Variants in RBM34 observed in about 807,000 individuals in gnomAD.
The protein encoded by RBM34 is RNA binding motif protein 34.
RBM34 carries 39 observed loss-of-function variants against 44.6 expected under a neutral mutation model. That is an observed-to-expected ratio of 0.87 (90% CI 0.68 to 1.14). The LOEUF (loss-of-function observed/expected upper bound fraction) is 1.14. RBM34 is among the 50% of genes most tolerant of loss of function. RBM34 has a pLI of 0.00. For synonymous variants in RBM34, 194 were observed against 184.0 expected, an observed-to-expected ratio of 1.05 and a Z score of -0.44; for missense variants, 572 against 517.9, an observed-to-expected ratio of 1.10 and a Z score of -1.01.
intron 6 of RBM34, among the ~76,000 whole-genome samples, chr1:235,144,574 C>T (rs1399450678): frequency 6.6e-6 from 1 of 151,352 alleles, no homozygotes; most frequent in Non-Finnish European, 1.5e-5. Flanking sequence ...CAAAATTTCC[C>T]ATAAGCCAAG....
intron 4 of RBM34, among the ~76,000 whole-genome samples, chr1:235,153,210 T>C (rs1662239553): frequency 6.6e-6 from 1 of 151,298 alleles, no homozygotes; most frequent in Non-Finnish European, 1.5e-5. Flanking sequence ...AGTAGGTGAC[T>C]ATTCAGTTGG....
chr1:235,138,665 C>T (rs944705249), intron 6 of RBM34, among the ~76,000 whole-genome samples: 9 of 152,180 alleles, frequency 5.9e-5, no homozygotes, highest in African/African-American at 2.2e-4. Context: ...CCCCTCCTTC[C>T]CTCCAAAGGC....
At chr1:235,154,029 A>G (rs1056599059) in intron 4 of RBM34, among the ~76,000 whole-genome samples, 2 of 151,930 alleles carry the variant, frequency 1.3e-5, no homozygotes, top group African/African-American at 2.4e-5. Flanking sequence ...GACGGATCAC[A>G]AGGTCAGGAA....
In RBM34 at chr1:235,131,683, A is replaced by C. The variant is rs1338266402; in HGVS notation, c.*30T>G. On this transcript the variant is annotated 3_prime_UTR_variant, in exon 11 of 11. Coordinates refer to ENST00000408888, the MANE Select transcript of RBM34 (RefSeq NM_015014.4). Reference sequence around the variant, plus strand: ...AATAGCACTTTTATTAGCAGTACTCAGCAGGAAAAGAAAAAGCAGTTCCTG... The same window carrying C: ...AATAGCACTTTTATTAGCAGTACTCCGCAGGAAAAGAAAAAGCAGTTCCTG... 4 of 1,567,636 alleles carry C rather than the reference A, an allele frequency of 2.6e-6. No homozygotes were observed. The highest frequency in any genetic ancestry group is 4.1e-5 in the Admixed American group (2 of 49,348).
At chr1:235,144,860 C>T (rs1269929845) in intron 6 of RBM34, among the ~76,000 whole-genome samples, 1 of 152,174 alleles carries the variant, frequency 6.6e-6, no homozygotes, top group Non-Finnish European at 1.5e-5. Context: ...GCCTGACCAA[C>T]ATGGGGAAAC....
In RBM34 at chr1:235,131,988, A is replaced by T. The variant is rs1483678534; in HGVS notation, c.1018T>A (p.Ser340Thr). ...TTTAATTTCAGAGCAAGATGAACAG[A>T]ATCTGTATTCTGCAAAAGAAAACAC... The part of the protein sequence containing the change: ...FGYVLFENTD[S>T]VHLALKLNNS... Residue 340 changes from serine to threonine, a missense_variant, in exon 11 of 11, where the codon TCT (serine) becomes ACT (threonine). Physicochemically the swap from Ser to Thr is moderately conservative, Grantham distance 58. Coordinates refer to ENST00000408888, the MANE Select transcript of RBM34 (RefSeq NM_015014.4). The T allele has an allele frequency of 1.9e-6, 3 of 1,591,126 alleles. No homozygotes were observed. The highest frequency in any genetic ancestry group is 2.6e-6 in the Non-Finnish European group (3 of 1,169,282).
chr1:235,131,811 T>C lies in RBM34; in HGVS notation c.1195A>G (p.Lys399Glu), dbSNP rs1209982649. The change falls in exon 11 of 11, where the codon AAA becomes GAA. Residue 399 changes from lysine (K) to glutamate (E), a missense_variant. Coordinates refer to ENST00000408888, the MANE Select transcript of RBM34 (RefSeq NM_015014.4). ...FTSKTAEGHP[K>E]SLFIGEKAVL... Reference sequence around the variant, plus strand: ...GCTTTTTCTCCAATAAATAAGCTTTTAGGATGTCCTTCTGCAGTTTTGGAA... The same window carrying C: ...GCTTTTTCTCCAATAAATAAGCTTTCAGGATGTCCTTCTGCAGTTTTGGAA... The C allele has an allele frequency of 6.2e-7, 1 of 1,614,192 alleles. No individual in the cohort carries two copies. Among genetic ancestry groups the C allele is most frequent in the South Asian group, 1.1e-5 (1 of 91,086 alleles).
In RBM34 at chr1:235,136,035, A is replaced by G. The variant is rs765722672; in HGVS notation, c.888T>C (p.Tyr296=). Residue 296 remains tyrosine (Y), a splice_region_variant and synonymous_variant, in exon 9 of 11, where the codon TAT becomes TAC. Transcript: ENST00000408888. ...KRSVFVGNLP[Y]KVEESAIEKH... ...TGTACTTTGTTTAAACAAACTTACT[A>G]TAAGGGAGATTCCCCACAAAAACCG... 8.2e-6 allele frequency: 13 copies of G among 1,584,296 alleles called. No individual in the cohort carries two copies. Among genetic ancestry groups the G allele is most frequent in the South Asian group, 2.2e-5 (2 of 89,424 alleles).
At chr1:235,141,989 T>C (rs1369637713) in intron 6 of RBM34, among the ~76,000 whole-genome samples, 2 of 152,182 alleles carry the variant, frequency 1.3e-5, no homozygotes, top group South Asian at 2.1e-4. Flanking sequence ...ATTCTCTTGA[T>C]GGAGGAGAAG....
At chr1:235,149,906 GT>G (rs1474203822) in intron 5 of RBM34, among the ~76,000 whole-genome samples, 1 of 152,126 alleles carries the variant, frequency 6.6e-6, no homozygotes, top group Non-Finnish European at 1.5e-5. Context: ...TCTGTTTGCA[GT>G]TTATCTTGCT....
chr1:235,133,693 AAAC>A (rs1390942860), intron 10 of RBM34, among the ~76,000 whole-genome samples: 22 of 152,328 alleles, frequency 1.4e-4, no homozygotes, highest in African/African-American at 5.1e-4. Flanking sequence ...AAATACTTGA[AAAC>A]AACAAATAAT....
At chr1:235,140,423 G>T (rs1028383123) in intron 6 of RBM34, among the ~76,000 whole-genome samples, 1 of 152,184 alleles carries the variant, frequency 6.6e-6, no homozygotes, top group Non-Finnish European at 1.5e-5. Context: ...GGCAGTGAGG[G>T]GCTTAGCACC....
Position 235,154,939 on chromosome 1 carries a change from C to G in RBM34, c.539G>C (p.Arg180Thr). ...KKIQINQEEE[R>T]LKNERTVFVG... The stretch of plus-strand genomic sequence containing the variant: ...AAACACAGTTCTCTCATTCTTTAAT[C>G]TCTCTTCTTCTTGGTTGATTTGAAT... The change falls in exon 4 of 11, where the codon AGA becomes ACA. Residue 180 changes from arginine (R) to threonine (T), a missense_variant. By Grantham distance (71) the Arg-to-Thr change is moderately conservative. Transcript: ENST00000408888. The G allele has an allele frequency of 1.2e-6, 2 of 1,614,072 alleles. No individual in the cohort carries two copies. Among genetic ancestry groups the G allele is most frequent in the Non-Finnish European group, 1.7e-6 (2 of 1,179,992 alleles).
At chr1:235,155,854 T>C (rs867114445) in intron 3 of RBM34, among the ~76,000 whole-genome samples, 5 of 44,082 alleles carry the variant, frequency 1.1e-4, no homozygotes, top group African/African-American at 6.7e-4. Flanking sequence ...TATATATATA[T>C]ATATATATAT....
chr1:235,136,974 G>C (rs1205246569), intron 8 of RBM34, among the ~76,000 whole-genome samples: 1 of 152,102 alleles, frequency 6.6e-6, no homozygotes, highest in Non-Finnish European at 1.5e-5. Context: ...GTCTACATAA[G>C]CCTTCTCTTC....
rs1558149200 is a variant in RBM34 at position 235,155,840 on chromosome 1, TATATATATATATATATATATATATATAC to T, written c.366-756_366-729del. On this transcript the variant is annotated intron_variant, in intron 3 of 10. Transcript: ENST00000408888. ...ACATATACATATATATATATATATA[TATATATATATATATATATATATATATAC>T]ATATATACTTTTTTTTTTTGAGACA... is the stretch of plus-strand genomic sequence containing the variant. 4.9e-3 allele frequency among the ~76,000 whole-genome samples: 126 copies of T among 25,608 alleles called. 5 individuals carry two copies. The highest frequency in any genetic ancestry group is 0.022 in the African/African-American group (123 of 5,560). 16.8% of individuals were successfully genotyped at this position (25,608 alleles called of 152,430 possible).
intron 6 of RBM34, among the ~76,000 whole-genome samples, chr1:235,144,355 T>G (rs1572153250): frequency 6.6e-6 from 1 of 152,246 alleles, no homozygotes; most frequent in South Asian, 2.1e-4. Flanking sequence ...AGGGACATAT[T>G]GCAGAGGGTT....
chr1:235,155,866 T>TATATATATACAC (rs1484124143), intron 3 of RBM34, among the ~76,000 whole-genome samples: 1 of 34,332 alleles, frequency 2.9e-5, no homozygotes, highest in Admixed American at 3.7e-4. Flanking sequence ...TATATATATA[T>TATATATATACAC]ACATATATAC....
rs537801075 is a variant in RBM34, at chr1:235,131,948, A to G, written c.1058T>C (p.Met353Thr). The change falls in exon 11 of 11, where the codon ATG becomes ACG. Residue 353 changes from methionine (M) to threonine (T), a missense_variant. By Grantham distance (81) the Met-to-Thr change is moderately conservative. Transcript: ENST00000408888. Reference sequence around the variant, plus strand: ...ACGCATGACTCTGAGTTTTCTCCCCATGAGTTCAGAATTATTTAATTTCAG... The same window carrying G: ...ACGCATGACTCTGAGTTTTCTCCCCGTGAGTTCAGAATTATTTAATTTCAG... ...LALKLNNSELMGRKLRVMRSV... is the reference protein window; with the variant it reads ...LALKLNNSELTGRKLRVMRSV... 6.2e-7 allele frequency: 1 copy of G among 1,611,180 alleles called. No homozygotes were observed. The highest frequency in any genetic ancestry group is 1.7e-5 in the Admixed American group (1 of 59,504).
Sources: gnomAD v4.1 joint callset for allele counts (sites outside exome capture counted in the v4.1 genomes callset) on GRCh38, gnomAD v4.1.1 for gene constraint, MANE v1.5 for transcripts, NCBI Gene and HGNC (gene_info 2026-07-23, HGNC 2026-07-21) for gene names.